The following PKD1L3 variants were observed in gnomAD, a reference collection of about 807,000 sequenced individuals.
The protein encoded by PKD1L3 is polycystin-1-like protein 3.
Under a neutral mutation model 184.1 loss-of-function variants are expected in PKD1L3, and 239 were observed. The ratio of observed to expected loss-of-function variants is 1.30; its 90% CI spans 1.17 to 1.45. PKD1L3 has a LOEUF of 1.45. Ranked by LOEUF, PKD1L3 falls within the 40% of genes most tolerant of loss-of-function variation. The pLI is 0.00. For missense variants in PKD1L3, 2,660 were observed against 2,067.2 expected (o/e 1.29, Z -5.56); for synonymous variants, 996 against 778.8 (o/e 1.28, Z -4.64).
At chr16:71,930,582 A>G (rs1272789127) in intron 28 of PKD1L3, 1 of 154,878 alleles carries the variant, frequency 6.5e-6, no homozygotes, top group East Asian at 1.9e-4. Flanking sequence ...ATATCAAGAA[A>G]CTACAACCCT....
rs80169670 is a variant in PKD1L3, at chr16:71,937,072, T to C, written c.4452+220A>G. Among the ~76,000 whole-genome samples the C allele has an allele frequency of 1.9e-4, 29 of 152,300 alleles. No individual in the cohort carries two copies. The East Asian group carries it at 5.2e-3, about 27-fold the overall frequency. On this transcript the variant is annotated intron_variant, in intron 25 of 29. Coordinates refer to ENST00000620267, the MANE Select transcript of PKD1L3 (RefSeq NM_181536.2). ...ACCATCATCATCATCATCATTATTT[T>C]TGAGACAGGGTCTTGCTCTGTCGCC...
chr16:71,952,942 G>T lies in PKD1L3; in HGVS notation c.2961C>A (p.Cys987Ter). Residue 987 changes from cysteine (C) to a stop codon, truncating the protein, a stop_gained, in exon 18 of 30, where the codon TGC becomes TGA. Coordinates refer to ENST00000620267, the MANE Select transcript of PKD1L3 (RefSeq NM_181536.2). LOFTEE classifies it high-confidence loss of function. ...LPLFPPIQAS[C>*]LSDASVEPLS... The stretch of plus-strand genomic sequence containing the variant: ...GAGGCTCAACAGAAGCATCTGAGAG[G>T]CAGGAGGCCTGGATGGGAGGAAAGA... 6.4e-7 allele frequency: 1 copy of T among 1,551,144 alleles called. No individual in the cohort carries two copies. The highest frequency in any genetic ancestry group is 8.7e-7 in the Non-Finnish European group (1 of 1,146,862).
intron 16 of PKD1L3, among the ~76,000 whole-genome samples, chr16:71,955,625 C>T (rs551715137): frequency 2.6e-5 from 4 of 152,048 alleles, no homozygotes; most frequent in Non-Finnish European, 5.9e-5. Flanking sequence ...TGTGCAGGTG[C>T]ACACCACTAC....
intron 16 of PKD1L3, among the ~76,000 whole-genome samples, chr16:71,958,123 C>T (rs2039117366): frequency 1.3e-5 from 2 of 151,976 alleles, no homozygotes; most frequent in African/African-American, 4.8e-5. Context: ...CGCGGTGGCT[C>T]ACGCCTGTAA....
chr16:71,977,890 T>C (rs2039992536), intron 10 of PKD1L3, among the ~76,000 whole-genome samples: 1 of 152,174 alleles, frequency 6.6e-6, no homozygotes, highest in Non-Finnish European at 1.5e-5. Context: ...TTCTCCTGCC[T>C]CAGCCTCCAG....
intron 11 of PKD1L3, 115 bp downstream of exon 11, chr16:71,977,121 G>A: frequency 1.3e-6 from 1 of 778,638 alleles, no homozygotes; most frequent in Non-Finnish European, 2.1e-6. Flanking sequence ...GCTAAGGCAG[G>A]AGGATCCCCT....
rs892807948 is a variant in PKD1L3 at position 71,935,466 on chromosome 16, A to G, written c.4505T>C (p.Ile1502Thr). The stretch of plus-strand genomic sequence containing the variant: ...AATGAGGATTATACTTGTGTCCAGA[A>G]TGTTTCTTTTCCCAGTGAAGAACCT... ...KWRFFTGKRN[I>T]LDTSIILISF... is the part of the protein sequence containing the mutation. Residue 1502 changes from isoleucine to threonine, a missense_variant, in exon 26 of 30, where the codon ATT (isoleucine) becomes ACT (threonine). Physicochemically the swap from Ile to Thr is moderately conservative, Grantham distance 89 (BLOSUM62 -1). Coordinates refer to ENST00000620267, the MANE Select transcript of PKD1L3 (RefSeq NM_181536.2). The G allele has an allele frequency of 1.3e-6, 2 of 1,552,052 alleles. No individual in the cohort carries two copies. The highest frequency in any genetic ancestry group is 1.2e-5 in the South Asian group (1 of 84,068).
Position 71,950,163 on chromosome 16 carries a change from T to C in PKD1L3, c.3338A>G (p.Glu1113Gly). 1.9e-6 allele frequency: 3 copies of C among 1,552,260 alleles called. No individual in the cohort carries two copies. Among genetic ancestry groups the C allele is most frequent in the Non-Finnish European group, 2.6e-6 (3 of 1,147,112 alleles). The change falls in exon 20 of 30, where the codon GAA (glutamate) becomes GGA (glycine). Residue 1113 changes from glutamate to glycine, a missense_variant. Glu to Gly is a moderately conservative substitution (Grantham distance 98). Coordinates refer to ENST00000620267, the MANE Select transcript of PKD1L3 (RefSeq NM_181536.2). ...DAASQLQKLQ[E>G]LLETHILPTE... ...GGGAAGAATATGTGTTTCCAAGAGT[T>C]CCTGGAGTTTTTGAAGTTGGCTGGC... is the stretch of plus-strand genomic sequence containing the variant.
chr16:71,951,535 A>G, intron 19 of PKD1L3, 29 bp downstream of exon 19: 1 of 1,532,184 alleles, frequency 6.5e-7, no homozygotes. Context: ...CAGATGGAAG[A>G]TTCGTTACTG....
At chr16:71,985,760 T>A (rs1417432725) in intron 5 of PKD1L3, among the ~76,000 whole-genome samples, 7 of 152,164 alleles carry the variant, frequency 4.6e-5, no homozygotes, top group Admixed American at 4.6e-4. Flanking sequence ...TAGAGAAAGG[T>A]CTTGCTACGT....
rs373833705 is a variant in PKD1L3 at position 71,982,149 on chromosome 16, A to T, written c.1053T>A (p.Val351=). 1 of 1,551,838 alleles carries T rather than the reference A, an allele frequency of 6.4e-7. No individual in the cohort carries two copies. Among genetic ancestry groups the T allele is most frequent in the Admixed American group, 2.0e-5 (1 of 50,934 alleles). ...AATGAAAGGGGCAGACAGTTGGAGGAACTTTGAAGCCCAGACTGTTGTTGT... is the reference window on the plus strand; with the variant it reads ...AATGAAAGGGGCAGACAGTTGGAGGTACTTTGAAGCCCAGACTGTTGTTGT... ...FQNNNSLGFK[V]PPTVCPFHSL... Residue 351 remains valine (V), a synonymous_variant, in exon 7 of 30, where the codon GTT becomes GTA. Coordinates refer to ENST00000620267, the MANE Select transcript of PKD1L3 (RefSeq NM_181536.2).
chr16:71,966,604 A>T (rs564173361), intron 15 of PKD1L3, among the ~76,000 whole-genome samples: 1 of 151,334 alleles, frequency 6.6e-6, no homozygotes, highest in South Asian at 2.1e-4. Flanking sequence ...TTTTTTTGAA[A>T]TTTTTTTTGT....
intron 11 of PKD1L3, among the ~76,000 whole-genome samples, chr16:71,974,331 C>A (rs771222616): frequency 6.6e-6 from 1 of 152,134 alleles, no homozygotes; most frequent in Non-Finnish European, 1.5e-5. Context: ...AAAAAAGGTT[C>A]CTGAAGGCCC....
intron 18 of PKD1L3, 125 bp from the exon 19 acceptor site, chr16:71,951,869 ATT>A (rs1416808246): frequency 2.5e-6 from 2 of 808,106 alleles, no homozygotes; most frequent in Non-Finnish European, 3.7e-6. Flanking sequence ...AAGAACCTCA[ATT>A]TTTCATGTTC....
intron 4 of PKD1L3, among the ~76,000 whole-genome samples, 174 bp downstream of exon 4, chr16:71,990,102 AAAAT>A (rs2143836945): frequency 6.6e-6 from 1 of 151,860 alleles, no homozygotes; most frequent in African/African-American, 2.4e-5. Flanking sequence ...AAAAAAAAAA[AAAAT>A]CCTTGAATGA....
Position 71,933,523 on chromosome 16 carries a change from T to G in PKD1L3, c.4825-2A>C, listed in dbSNP as rs868004897. The G allele has an allele frequency of 1.9e-6, 3 of 1,547,854 alleles. No homozygotes were observed. Among genetic ancestry groups the G allele is most frequent in the Non-Finnish European group, 2.6e-6 (3 of 1,143,418 alleles). On this transcript the variant is annotated splice_acceptor_variant, in intron 27 of 29. Transcript: ENST00000620267. LOFTEE classifies it high-confidence loss of function. ...GCTGCATCCAAACAGCAGGTTAAAC[T>G]GAACAGAAGGAGAAAGGCCAGTTAG...
Position 71,942,666 on chromosome 16 carries a change from C to A in PKD1L3, c.4218G>T (p.Arg1406Ser), listed in dbSNP as rs1185738877. The change falls in exon 24 of 30, where the codon AGG (arginine) becomes AGT (serine). Residue 1406 changes from arginine to serine, a missense_variant. By Grantham distance (110) the Arg-to-Ser change is moderately radical (BLOSUM62 -1). Coordinates refer to ENST00000620267, the MANE Select transcript of PKD1L3 (RefSeq NM_181536.2). ...KSLFPGLHLRRFSYICSPRPM... is the reference protein window; with the variant it reads ...KSLFPGLHLRSFSYICSPRPM... ...GCCTGGGTGAACAGATGTAACTGAACCTCCTTAGATGAAGTCCAGGGAATA... is the reference window on the plus strand; with the variant it reads ...GCCTGGGTGAACAGATGTAACTGAAACTCCTTAGATGAAGTCCAGGGAATA... The A allele has an allele frequency of 1.3e-6, 2 of 1,551,692 alleles. No homozygotes were observed. Among genetic ancestry groups the A allele is most frequent in the Admixed American group, 2.0e-5 (1 of 51,000 alleles).
At chr16:71,947,444 A>T (rs1189596470) in intron 22 of PKD1L3, 48 bp downstream of exon 22, 13 of 1,274,002 alleles carry the variant, frequency 1.0e-5, no homozygotes, top group Middle Eastern at 3.7e-4. Context: ...GGCCAGATCT[A>T]ATTTGCTTTT....
chr16:71,984,027 T>A lies in PKD1L3; in HGVS notation c.966+9A>T. ...CTACCTTCTTCCCTCCCAGTCACCC[T>A]CCACTTACCTGAGCTGGCTTAGAAA... is the stretch of plus-strand genomic sequence containing the variant. On this transcript the variant is annotated intron_variant, in intron 6 of 29. Coordinates refer to ENST00000620267, the MANE Select transcript of PKD1L3 (RefSeq NM_181536.2). 1.3e-6 allele frequency: 2 copies of A among 1,551,542 alleles called. No homozygotes were observed. The highest frequency in any genetic ancestry group is 1.7e-6 in the Non-Finnish European group (2 of 1,146,638).
Sources: allele counts gnomAD v4.1 joint callset (sites outside exome capture counted in the v4.1 genomes callset), GRCh38; gene constraint gnomAD v4.1.1; transcripts MANE v1.5; gene names NCBI Gene and HGNC (gene_info 2026-07-23, HGNC 2026-07-21).